The following CCSER1 variants were observed in gnomAD, a reference collection of about 807,000 sequenced individuals.
CCSER1 encodes serine-rich coiled-coil domain-containing protein 1.
CCSER1 carries 41 observed loss-of-function variants against 82.0 expected under a neutral mutation model. The observed-to-expected ratio is 0.50, with a 90% CI of 0.39 to 0.65. The LOEUF (loss-of-function observed/expected upper bound fraction) is 0.65. Ranked by LOEUF, CCSER1 falls within the 30% of genes least tolerant of loss-of-function variation. The probability of loss-of-function intolerance (pLI) is 0.00; values close to 1 mark genes in which losing one functional copy is unlikely to be tolerated. For missense variants in CCSER1, 1,119 were observed against 1,064.2 expected (o/e 1.05, Z -0.72); for synonymous variants, 414 against 383.9 (o/e 1.08, Z -0.92).
chr4:91,547,453 T>TC (rs1295738181), intron 10 of CCSER1, among the ~76,000 whole-genome samples: 1 of 152,204 alleles, frequency 6.6e-6, no homozygotes, highest in Admixed American at 6.5e-5. Flanking sequence ...TATGTAGTGC[T>TC]CCTTTTGTCC....
chr4:90,697,341 G>A (rs180998494), intron 6 of CCSER1, among the ~76,000 whole-genome samples: 58 of 152,182 alleles, frequency 3.8e-4, no homozygotes, highest in African/African-American at 1.2e-3. Flanking sequence ...AGTGTCAGAA[G>A]ATGCCTTTGA....
chr4:90,446,982 A>G (rs1321145381), intron 4 of CCSER1, among the ~76,000 whole-genome samples: 4 of 152,204 alleles, frequency 2.6e-5, no homozygotes, highest in South Asian at 2.1e-4. Context: ...GCAATAATGC[A>G]TATGAAATAC....
chr4:91,008,969 G>A (rs62309832), intron 9 of CCSER1, among the ~76,000 whole-genome samples: 9 of 152,202 alleles, frequency 5.9e-5, no homozygotes, highest in East Asian at 1.9e-4. Context: ...TGTTCAGCTC[G>A]ATTAGGACGA....
chr4:91,028,507 G>T (rs961642189), intron 9 of CCSER1, among the ~76,000 whole-genome samples: 3 of 151,944 alleles, frequency 2.0e-5, no homozygotes, highest in Non-Finnish European at 4.4e-5. Context: ...ACAAAAGAGA[G>T]AGTAATTTTA....
At chr4:90,861,797 A>G (rs1419759046) in intron 8 of CCSER1, among the ~76,000 whole-genome samples, 1 of 151,446 alleles carries the variant, frequency 6.6e-6, no homozygotes, top group East Asian at 1.9e-4. Flanking sequence ...ATCAGCCTAT[A>G]TTTCCAGATG....
intron 8 of CCSER1, among the ~76,000 whole-genome samples, chr4:90,824,703 T>C (rs746522965): frequency 3.9e-5 from 6 of 152,264 alleles, no homozygotes; most frequent in Non-Finnish European, 5.9e-5. Context: ...ATGGTATTAT[T>C]TCATGCTAGT....
At chr4:91,163,030 T>C (rs1044983167) in intron 10 of CCSER1, among the ~76,000 whole-genome samples, 62 of 152,222 alleles carry the variant, frequency 4.1e-4, no homozygotes, top group Non-Finnish European at 7.3e-5. Flanking sequence ...TGTTAGGCTG[T>C]CAATTTTACA....
In CCSER1 at chr4:90,390,595, G is replaced by C. The variant is rs76878039; in HGVS notation, c.1510-9441G>C. Among the ~76,000 whole-genome samples, 1,131 of 152,188 alleles carry C rather than the reference G, an allele frequency of 7.4e-3. 11 individuals carry two copies. Among genetic ancestry groups the C allele is most frequent in the Non-Finnish European group, 8.0e-3 (542 of 68,018 alleles). ...AATGGCCTCCGCCTCCATCCATGTT[G>C]CTGCAAAAGACATGCTTTTGTCCTT... is the stretch of plus-strand genomic sequence containing the variant. On this transcript the variant is annotated intron_variant, in intron 3 of 10. Coordinates refer to ENST00000509176, the MANE Select transcript of CCSER1 (RefSeq NM_001145065.2).
At chr4:90,569,428 C>G (rs917084943) in intron 5 of CCSER1, among the ~76,000 whole-genome samples, 1 of 152,082 alleles carries the variant, frequency 6.6e-6, no homozygotes, top group Non-Finnish European at 1.5e-5. Context: ...GATACAGACA[C>G]CATGATCAAA....
intron 9 of CCSER1, among the ~76,000 whole-genome samples, chr4:91,015,200 ATCTTCAACTG>A (rs1739324079): frequency 6.6e-6 from 1 of 152,098 alleles, no homozygotes; most frequent in Admixed American, 6.6e-5. Context: ...ACATGTGGTT[ATCTTCAACTG>A]AAGTAGATTA....
chr4:90,295,027 T>C (rs1731609096), intron 1 of CCSER1, among the ~76,000 whole-genome samples: 1 of 152,050 alleles, frequency 6.6e-6, no homozygotes, highest in African/African-American at 2.4e-5. Flanking sequence ...TTTGTTCATA[T>C]CTTTGACCTT....
intron 7 of CCSER1, among the ~76,000 whole-genome samples, chr4:90,751,714 A>G (rs1186033489): frequency 2.0e-5 from 3 of 152,086 alleles, no homozygotes; most frequent in African/African-American, 7.2e-5. Context: ...CTGTTTTCCA[A>G]ATGGAAGTTT....
chr4:90,880,864 G>A (rs1409729297), intron 8 of CCSER1, among the ~76,000 whole-genome samples: 3 of 151,888 alleles, frequency 2.0e-5, no homozygotes, highest in Admixed American at 6.6e-5. Context: ...TGCGTGGGCC[G>A]TCATCCTGCC....
At chr4:90,368,186 A>G (rs1746608821) in intron 3 of CCSER1, among the ~76,000 whole-genome samples, 1 of 151,990 alleles carries the variant, frequency 6.6e-6, no homozygotes, top group East Asian at 1.9e-4. Flanking sequence ...GAGTTTATAA[A>G]TACCTGGTTG....
chr4:91,381,203 G>T (rs1277019664), intron 10 of CCSER1, among the ~76,000 whole-genome samples: 3 of 152,152 alleles, frequency 2.0e-5, no homozygotes, highest in Non-Finnish European at 2.9e-5. Flanking sequence ...TTCAACTTTG[G>T]TGAATCTGAC....
At chr4:90,256,300 A>T (rs1161124718) in intron 1 of CCSER1, among the ~76,000 whole-genome samples, 2 of 152,120 alleles carry the variant, frequency 1.3e-5, no homozygotes, top group African/African-American at 4.8e-5. Flanking sequence ...GATGAAGAGG[A>T]TATAATAGCC....
intron 8 of CCSER1, among the ~76,000 whole-genome samples, chr4:90,881,864 C>T (rs962855509): frequency 1.3e-5 from 2 of 152,198 alleles, no homozygotes. Flanking sequence ...CCTGTCTATT[C>T]CACTCTCAAA....
intron 1 of CCSER1, among the ~76,000 whole-genome samples, chr4:90,189,868 A>G (rs1289507091): frequency 6.6e-6 from 1 of 152,026 alleles, no homozygotes; most frequent in East Asian, 1.9e-4. Context: ...TATTTTCAAT[A>G]TAGTATGAGT....
chr4:90,932,986 A>AAGAAAGAAAGAAAGAAAGAGAG (rs1561385213), intron 9 of CCSER1, among the ~76,000 whole-genome samples: 1 of 29,166 alleles, frequency 3.4e-5, no homozygotes, highest in Non-Finnish European at 6.7e-5. Flanking sequence ...AAGAAAGAGA[A>AAGAAAGAAAGAAAGAAAGAGAG]AGAAAGAAAG....
Sources: allele counts gnomAD v4.1 joint callset (sites outside exome capture counted in the v4.1 genomes callset), GRCh38; gene constraint gnomAD v4.1.1; transcripts MANE v1.5; gene names NCBI Gene and HGNC (gene_info 2026-07-23, HGNC 2026-07-21).